Variants in RAD51B observed in about 807,000 individuals in gnomAD.
RAD51B encodes RAD51 paralog B, also known as DNA repair protein RAD51 homolog 2.
RAD51B carries 38 observed loss-of-function variants against 42.2 expected under a neutral mutation model. The observed-to-expected ratio is 0.90, with a 90% CI of 0.70 to 1.18. The LOEUF is 1.18. RAD51B is among the 50% of genes most tolerant of loss of function. The pLI is 0.00. For synonymous variants in RAD51B, 154 were observed against 145.2 expected, an observed-to-expected ratio of 1.06 and a Z score of -0.43; for missense variants, 373 against 400.7, an observed-to-expected ratio of 0.93 and a Z score of 0.59.
At chr14:68,188,622 C>A (rs914098652) in intron 7 of RAD51B, among the ~76,000 whole-genome samples, 11 of 152,172 alleles carry the variant, frequency 7.2e-5, no homozygotes, top group African/African-American at 2.7e-4. Context: ...TCCACACTGA[C>A]ATTCTTTCTA....
At chr14:68,400,256 T>C (rs1387310260) in intron 8 of RAD51B, among the ~76,000 whole-genome samples, 1 of 152,192 alleles carries the variant, frequency 6.6e-6, no homozygotes, top group Non-Finnish European at 1.5e-5. Context: ...TCGTTGGATA[T>C]GTAAAGCGAC....
chr14:68,576,623 C>T (rs1312652990), intron 10 of RAD51B, among the ~76,000 whole-genome samples: 1 of 152,194 alleles, frequency 6.6e-6, no homozygotes, highest in East Asian at 1.9e-4. Context: ...GGGATGGACC[C>T]AGGCCTTGGT....
chr14:68,375,986 CA>C (rs1306585509), intron 8 of RAD51B, among the ~76,000 whole-genome samples: 2 of 149,754 alleles, frequency 1.3e-5, no homozygotes, highest in East Asian at 1.9e-4. Flanking sequence ...CCTAGGGACC[CA>C]GGGGCCTCAG....
At chr14:67,831,441 C>T (rs1024295027) in intron 3 of RAD51B, among the ~76,000 whole-genome samples, 6 of 152,082 alleles carry the variant, frequency 3.9e-5, no homozygotes, top group African/African-American at 9.7e-5. Context: ...AAGCAGCCAC[C>T]GAAGTAGAAG....
intron 10 of RAD51B, among the ~76,000 whole-genome samples, chr14:68,543,314 C>T (rs376818963): frequency 6.6e-6 from 1 of 152,206 alleles, no homozygotes; most frequent in East Asian, 1.9e-4. Flanking sequence ...GCTTTTTCTC[C>T]ATGATTATCT....
At chr14:68,224,011 G>T (rs377107184) in intron 7 of RAD51B, among the ~76,000 whole-genome samples, 2 of 152,282 alleles carry the variant, frequency 1.3e-5, no homozygotes, top group African/African-American at 4.8e-5. Context: ...TTCTTACTGA[G>T]AAACACACAT....
At chr14:68,536,724 T>C (rs1439451230) in intron 10 of RAD51B, among the ~76,000 whole-genome samples, 1 of 152,220 alleles carries the variant, frequency 6.6e-6, no homozygotes, top group Admixed American at 6.5e-5. Context: ...TAGTATTTCC[T>C]TACTCTTTTA....
intron 7 of RAD51B, among the ~76,000 whole-genome samples, chr14:68,069,239 A>G (rs1312182948): frequency 2.0e-5 from 3 of 152,190 alleles, no homozygotes; most frequent in Admixed American, 6.5e-5. Context: ...GCCTCTGTAT[A>G]TTTAGAGGTG....
chr14:68,530,446 CAAAAAAAAA>C (rs35454756), intron 10 of RAD51B, among the ~76,000 whole-genome samples: 6 of 67,844 alleles, frequency 8.8e-5, no homozygotes, highest in East Asian at 9.0e-4. Context: ...GACCCTGTCT[CAAAAAAAAA>C]AAAAAAAAAA....
At chr14:68,062,296 T>C (rs1021597113) in intron 7 of RAD51B, among the ~76,000 whole-genome samples, 6 of 152,218 alleles carry the variant, frequency 3.9e-5, no homozygotes, top group African/African-American at 1.4e-4. Flanking sequence ...TTTAATTTGT[T>C]AGTGTTTTAT....
At chr14:68,660,266 A>G (rs1444622350) in intron 11 of RAD51B, among the ~76,000 whole-genome samples, 1 of 152,240 alleles carries the variant, frequency 6.6e-6, no homozygotes. Context: ...AAGCAGAAAA[A>G]TACCGGGCTG....
At chr14:68,083,265 G>T (rs1264499947) in intron 7 of RAD51B, among the ~76,000 whole-genome samples, 1 of 152,212 alleles carries the variant, frequency 6.6e-6, no homozygotes, top group East Asian at 1.9e-4. Flanking sequence ...TATAATTTCA[G>T]CCTGTATCAG....
At chr14:68,023,161 G>GGGTATAT (rs1256305344) in intron 7 of RAD51B, among the ~76,000 whole-genome samples, 1 of 152,106 alleles carries the variant, frequency 6.6e-6, no homozygotes. Flanking sequence ...ATATTCTTTT[G>GGGTATAT]GGTATATACC....
intron 8 of RAD51B, among the ~76,000 whole-genome samples, chr14:68,315,814 A>G (rs771171720): frequency 1.8e-4 from 27 of 152,154 alleles, no homozygotes; most frequent in Non-Finnish European, 3.2e-4. Context: ...GAACCACTGC[A>G]CCCAGCCCCT....
chr14:68,505,082 T>A (rs1946131239), intron 10 of RAD51B, among the ~76,000 whole-genome samples: 1 of 152,208 alleles, frequency 6.6e-6, no homozygotes, highest in Admixed American at 6.5e-5. Flanking sequence ...GTACGAAGTT[T>A]GACAATTGTT....
At position 68,408,963 on chromosome 14, in the gene RAD51B, A is replaced by G. The variant is rs1391962392; in HGVS notation, c.854-2461A>G. Among the ~76,000 whole-genome samples the G allele has an allele frequency of 4.6e-5, 7 of 152,200 alleles. No individual in the cohort carries two copies. In the East Asian group the frequency reaches 5.8e-4, roughly 13 times the overall value. On this transcript the variant is annotated intron_variant, in intron 8 of 10. Coordinates refer to ENST00000471583, the MANE Select transcript of RAD51B (RefSeq NM_133510.4). ...TAATTGAAAGTCAGTTACTAAATCT[A>G]TAGAGAAAAAAAAAATAGGTTAATG...
At chr14:68,431,484 G>T (rs184289483) in intron 9 of RAD51B, among the ~76,000 whole-genome samples, 104 of 152,282 alleles carry the variant, frequency 6.8e-4, no homozygotes, top group African/African-American at 2.4e-3. Flanking sequence ...TCTTGGGAGG[G>T]TGTATGTGTC....
intron 7 of RAD51B, among the ~76,000 whole-genome samples, chr14:68,277,987 C>A (rs1256503973): frequency 4.6e-5 from 7 of 152,216 alleles, no homozygotes; most frequent in Non-Finnish European, 8.8e-5. Context: ...AAATGATCTG[C>A]CCGTCTTGGC....
chr14:68,562,219 C>T, intron 10 of RAD51B: 1 of 985,444 alleles, frequency 1.0e-6, no homozygotes, highest in Non-Finnish European at 1.2e-6. Flanking sequence ...CAGACATTTG[C>T]AGCCCTTCCA....
Sources: allele counts gnomAD v4.1 joint callset (sites outside exome capture counted in the v4.1 genomes callset), GRCh38; gene constraint gnomAD v4.1.1; transcripts MANE v1.5; gene names NCBI Gene and HGNC (gene_info 2026-07-23, HGNC 2026-07-21).